Variants in ODF2L observed in about 807,000 individuals in gnomAD.
The protein encoded by ODF2L is protein BCAP.
In ODF2L, 76 loss-of-function variants were observed where a neutral mutation model predicts 86.3. The observed-to-expected ratio is 0.88, with a 90% CI of 0.73 to 1.07. ODF2L has a LOEUF of 1.07. Among genes scored for constraint, ODF2L ranks in the 50% least tolerant of loss-of-function variants. The pLI, the probability that ODF2L is intolerant of heterozygous loss-of-function variation, is 0.00. For missense variants in ODF2L, 748 were observed against 717.4 expected (o/e 1.04, Z -0.49); for synonymous variants, 241 against 231.3 (o/e 1.04, Z -0.38).
chr1:86,376,847 CA>C (rs1225114903), intron 7 of ODF2L, among the ~76,000 whole-genome samples: 1 of 152,174 alleles, frequency 6.6e-6, no homozygotes, highest in African/African-American at 2.4e-5. Flanking sequence ...GATTACAATT[CA>C]AAATGAGATT....
intron 1 of ODF2L, among the ~76,000 whole-genome samples, chr1:86,388,422 T>C (rs1316706503): frequency 6.6e-6 from 1 of 152,100 alleles, no homozygotes; most frequent in East Asian, 1.9e-4. Flanking sequence ...ATATTTGTCA[T>C]ATTTGTCTCT....
intron 1 of ODF2L, among the ~76,000 whole-genome samples, chr1:86,388,317 C>A (rs2101495966): frequency 6.6e-6 from 1 of 152,190 alleles, no homozygotes; most frequent in East Asian, 1.9e-4. Context: ...GGATAAGTCA[C>A]TGCAATCAAG....
exon 18 of ODF2L, chr1:86,352,128 T>C: frequency 6.8e-7 from 1 of 1,478,190 alleles, no homozygotes; most frequent in Non-Finnish European, 8.9e-7. Context: ...CCAAAAATCA[T>C]TTAACTCTTG....
intron 12 of ODF2L, among the ~76,000 whole-genome samples, chr1:86,359,378 T>G (rs2100827232): frequency 6.6e-6 from 1 of 152,154 alleles, no homozygotes; most frequent in East Asian, 1.9e-4. Flanking sequence ...CACCACAACC[T>G]CCATTCCTAC....
At chr1:86,364,482 A>G (rs1395846986) in intron 11 of ODF2L, among the ~76,000 whole-genome samples, 1 of 152,226 alleles carries the variant, frequency 6.6e-6, no homozygotes, top group Non-Finnish European at 1.5e-5. Context: ...GTAGATGCAG[A>G]AAACATAAAA....
At chr1:86,376,069 T>C (rs1455838283) in intron 8 of ODF2L, among the ~76,000 whole-genome samples, 164 bp downstream of exon 8, 2 of 152,226 alleles carry the variant, frequency 1.3e-5, no homozygotes, top group Non-Finnish European at 1.5e-5. Flanking sequence ...TGACATTTTA[T>C]GTAATATTTC....
intron 7 of ODF2L, among the ~76,000 whole-genome samples, chr1:86,379,555 T>C (rs906510462): frequency 1.3e-5 from 2 of 152,168 alleles, no homozygotes; most frequent in Non-Finnish European, 2.9e-5. Flanking sequence ...AAGGAATTGG[T>C]AGCTCCCCAA....
chr1:86,348,118 T>C (rs1657899640), downstream of ODF2L: 1 of 152,094 alleles, frequency 6.6e-6, no homozygotes, highest in South Asian at 2.1e-4. Flanking sequence ...GAAGACAGCC[T>C]GAATATCTAT....
At chr1:86,351,140 T>C (rs1225235603) in exon 18 of ODF2L, 1 of 152,224 alleles carries the variant, frequency 6.6e-6, no homozygotes, top group Non-Finnish European at 1.5e-5. Context: ...CCATTACTTT[T>C]GGTGTTTTAG....
chr1:86,375,126 G>A (rs1660079146), intron 8 of ODF2L: 1 of 151,886 alleles, frequency 6.6e-6, no homozygotes, highest in Non-Finnish European at 1.5e-5. Flanking sequence ...GGTCAAGAAA[G>A]GCCTCTCTGA....
At chr1:86,362,597 T>A (rs895982876) in intron 11 of ODF2L, among the ~76,000 whole-genome samples, 3 of 152,162 alleles carry the variant, frequency 2.0e-5, no homozygotes, top group Non-Finnish European at 4.4e-5. Context: ...AGGCAGTCAA[T>A]GACCTTCAGT....
exon 12 of ODF2L, chr1:86,360,522 A>G (rs1658955293): frequency 1.3e-6 from 2 of 1,576,778 alleles, no homozygotes; most frequent in South Asian, 2.3e-5. Flanking sequence ...CATCCTTCAA[A>G]GCAGCAAGTG....
chr1:86,361,717 T>G (rs920143858), intron 11 of ODF2L, among the ~76,000 whole-genome samples: 1 of 152,186 alleles, frequency 6.6e-6, no homozygotes, highest in African/African-American at 2.4e-5. Context: ...CTTAATATAG[T>G]TATTATATAT....
At chr1:86,377,966 A>G (rs184485773) in intron 7 of ODF2L, among the ~76,000 whole-genome samples, 1 of 152,294 alleles carries the variant, frequency 6.6e-6, no homozygotes, top group East Asian at 1.9e-4. Context: ...TTTCTTTTCT[A>G]TTGCATGGGC....
chr1:86,354,033 T>G (rs2100734538), intron 16 of ODF2L, among the ~76,000 whole-genome samples: 1 of 152,364 alleles, frequency 6.6e-6, no homozygotes, highest in African/African-American at 2.4e-5. Context: ...ATGAGAGTGC[T>G]GAGAGCTAAG....
intron 4 of ODF2L, 75 bp from the exon 5 acceptor site, chr1:86,383,271 C>T: frequency 1.5e-6 from 1 of 672,282 alleles, no homozygotes; most frequent in Non-Finnish European, 2.5e-6. Context: ...GTGAAATAAG[C>T]ACTACTCAAT....
chr1:86,356,341 G>A, intron 14 of ODF2L, 103 bp downstream of exon 13: 5 of 834,752 alleles, frequency 6.0e-6, no homozygotes, highest in Non-Finnish European at 9.1e-6. Flanking sequence ...AAGTAGATGG[G>A]AATTTAAAAA....
At chr1:86,353,546 G>T (rs140625139) in intron 16 of ODF2L, among the ~76,000 whole-genome samples, 2 of 152,218 alleles carry the variant, frequency 1.3e-5, no homozygotes, top group African/African-American at 4.8e-5. Flanking sequence ...TTCATCTAAG[G>T]AATCAGATAT....
exon 14 of ODF2L, chr1:86,356,453 A>T (rs1396722048): frequency 2.5e-6 from 4 of 1,600,112 alleles, no homozygotes; most frequent in Non-Finnish European, 3.4e-6. Flanking sequence ...CCTGGCCCTG[A>T]AGCTCCCTAA....
Sources: gnomAD v4.1 joint callset for allele counts (sites outside exome capture counted in the v4.1 genomes callset) on GRCh38, gnomAD v4.1.1 for gene constraint, MANE v1.5 for transcripts, NCBI Gene and HGNC (gene_info 2026-07-23, HGNC 2026-07-21) for gene names.